Variants in DAB1 observed in about 807,000 individuals in gnomAD.
The protein encoded by DAB1 is DAB adaptor protein 1.
A neutral mutation model predicts 64.6 loss-of-function variants in DAB1; 15 were observed. The ratio of observed to expected loss-of-function variants is 0.23; its 90% confidence interval spans 0.16 to 0.36. The LOEUF (loss-of-function observed/expected upper bound fraction) is 0.36. DAB1 is among the 10% of genes least tolerant of loss of function. The pLI, the probability that DAB1 is intolerant of heterozygous loss-of-function variation, is 1.00. For synonymous variants in DAB1, 235 were observed against 251.9 expected, an observed-to-expected ratio of 0.93 and a Z score of 0.64; for missense variants, 596 against 706.7, an observed-to-expected ratio of 0.84 and a Z score of 1.78.
chr1:58,311,819 C>T (rs1398289340), intron 4 of DAB1, among the ~76,000 whole-genome samples: 1 of 152,182 alleles, frequency 6.6e-6, no homozygotes, highest in East Asian at 1.9e-4. Context: ...TTGACATCTG[C>T]TTCCTGCAGG....
chr1:58,373,892 CT>C (rs1237853447), intron 3 of DAB1, among the ~76,000 whole-genome samples: 1 of 150,540 alleles, frequency 6.6e-6, no homozygotes, highest in African/African-American at 2.4e-5. Context: ...GAGATGATAT[CT>C]CATAGTGGTT....
intron 5 of DAB1, among the ~76,000 whole-genome samples, chr1:58,125,909 A>AG (rs1297709492): frequency 6.6e-6 from 1 of 152,042 alleles, no homozygotes; most frequent in African/African-American, 2.4e-5. Flanking sequence ...TTTGGGGTGG[A>AG]GGGGGTCAGT....
rs145438606 is a variant in DAB1, at chr1:58,132,660, G to A, written n.387+17851C>T. On this transcript the variant is annotated intron_variant and non_coding_transcript_variant, in intron 5 of 20. Transcript: ENST00000485760. ...CACTTCTTGTTTTCTCCCTAGCAGG[G>A]CCTATTTGACAGGGTAACACAAACA... Among the ~76,000 whole-genome samples, 1,381 of 152,180 alleles carry A rather than the reference G, an allele frequency of 9.1e-3. 20 individuals carry two copies. The highest frequency in any genetic ancestry group is 0.032 in the African/African-American group (1,329 of 41,500).
At chr1:58,063,823 C>T (rs978996721) in intron 5 of DAB1, among the ~76,000 whole-genome samples, 1 of 152,214 alleles carries the variant, frequency 6.6e-6, no homozygotes, top group African/African-American at 2.4e-5. Flanking sequence ...ATTTCTACAG[C>T]TGCTAAGTGG....
intron 6 of DAB1, among the ~76,000 whole-genome samples, chr1:57,758,831 G>A (rs572884121): frequency 1.2e-4 from 19 of 152,198 alleles, no homozygotes; most frequent in Admixed American, 7.2e-4. Context: ...GCTGCAATGA[G>A]TAATTGAACC....
chr1:57,188,998 T>C (rs1557899263), intron 2 of DAB1, among the ~76,000 whole-genome samples: 1 of 152,164 alleles, frequency 6.6e-6, no homozygotes, highest in Non-Finnish European at 1.5e-5. Flanking sequence ...TAAGGTCTCA[T>C]AGCTTGGAGG....
chr1:58,326,437 C>A (rs192478936), intron 4 of DAB1, among the ~76,000 whole-genome samples: 1 of 152,272 alleles, frequency 6.6e-6, no homozygotes, highest in East Asian at 1.9e-4. Flanking sequence ...GCAGAAACCC[C>A]CATCGTGCAG....
At chr1:58,191,507 C>G (rs1657385759) in intron 4 of DAB1, among the ~76,000 whole-genome samples, 2 of 152,182 alleles carry the variant, frequency 1.3e-5, no homozygotes, top group Non-Finnish European at 2.9e-5. Context: ...TGAGTGCAAG[C>G]TGAGGCCGAG....
chr1:57,612,610 C>T (rs1645742020), intron 7 of DAB1, among the ~76,000 whole-genome samples: 1 of 152,086 alleles, frequency 6.6e-6, no homozygotes, highest in Non-Finnish European at 1.5e-5. Context: ...GAAAAGGTAA[C>T]AAAGTGGATT....
At chr1:58,225,170 G>T (rs902793862) in intron 4 of DAB1, among the ~76,000 whole-genome samples, 15 of 151,702 alleles carry the variant, frequency 9.9e-5, no homozygotes, top group East Asian at 3.9e-4. Context: ...CAGACACTTC[G>T]CAAAAGAAGA....
At chr1:57,343,000 C>T (rs556680282) in intron 1 of DAB1, among the ~76,000 whole-genome samples, 76 of 107,330 alleles carry the variant, frequency 7.1e-4, no homozygotes, top group African/African-American at 2.7e-3. Flanking sequence ...GAGCGGGTTG[C>T]CACTGCTGGC....
chr1:58,377,330 T>A (rs1312208508), intron 3 of DAB1, among the ~76,000 whole-genome samples: 1 of 141,636 alleles, frequency 7.1e-6, no homozygotes, highest in African/African-American at 2.7e-5. Flanking sequence ...GTTGTTCCTT[T>A]CCATGTTTAG....
chr1:58,472,601 G>A (rs1468706003), intron 3 of DAB1, among the ~76,000 whole-genome samples: 1 of 152,152 alleles, frequency 6.6e-6, no homozygotes, highest in Middle Eastern at 3.2e-3. Flanking sequence ...GCTGTGGGGA[G>A]GGGGCCTCCC....
At chr1:58,371,871 A>G (rs921370719) in intron 3 of DAB1, among the ~76,000 whole-genome samples, 1 of 152,176 alleles carries the variant, frequency 6.6e-6, no homozygotes. Flanking sequence ...AAAAGACAAG[A>G]GTTGAGCTTT....
intron 1 of DAB1, among the ~76,000 whole-genome samples, chr1:57,297,477 A>G (rs1673294678): frequency 6.6e-6 from 1 of 152,070 alleles, no homozygotes; most frequent in African/African-American, 2.4e-5. Flanking sequence ...ATTCAGAAAA[A>G]ACACATATAC....
chr1:58,304,390 G>A (rs552232727), intron 4 of DAB1, among the ~76,000 whole-genome samples: 12 of 152,238 alleles, frequency 7.9e-5, no homozygotes, highest in Admixed American at 7.9e-4. Flanking sequence ...CACTTCTTCT[G>A]AAGCAGAGGA....
chr1:58,168,367 T>A (rs1203784613), intron 4 of DAB1, among the ~76,000 whole-genome samples: 2 of 152,122 alleles, frequency 1.3e-5, no homozygotes, highest in African/African-American at 4.8e-5. Flanking sequence ...CAAAGTCATG[T>A]CACCCAAGCG....
chr1:57,302,917 AT>A (rs1558125834), intron 1 of DAB1, among the ~76,000 whole-genome samples: 1 of 152,182 alleles, frequency 6.6e-6, no homozygotes, highest in East Asian at 1.9e-4. Context: ...CCAAGCCTGA[AT>A]TTGTTCACTG....
At chr1:57,689,590 A>G (rs539881593) in intron 6 of DAB1, among the ~76,000 whole-genome samples, 1 of 152,296 alleles carries the variant, frequency 6.6e-6, no homozygotes, top group South Asian at 2.1e-4. Flanking sequence ...GTTACCTAGT[A>G]AGAACAAGTC....
Sources: allele counts gnomAD v4.1 joint callset (sites outside exome capture counted in the v4.1 genomes callset), GRCh38; gene constraint gnomAD v4.1.1; transcripts MANE v1.5; gene names NCBI Gene and HGNC (gene_info 2026-07-23, HGNC 2026-07-21).